Variants in PLXNC1 observed in about 807,000 individuals in gnomAD.
The protein encoded by PLXNC1 is plexin-C1.
In PLXNC1, 75 loss-of-function variants were observed where a neutral mutation model predicts 178.2. The observed-to-expected ratio is 0.42, with a 90% CI of 0.35 to 0.51. PLXNC1 has a LOEUF of 0.51. Among genes scored for constraint, PLXNC1 ranks in the 20% least tolerant of loss-of-function variants. The pLI, the probability that PLXNC1 is intolerant of heterozygous loss-of-function variation, is 0.02. For missense variants in PLXNC1, 1,503 were observed against 1,984.4 expected (o/e 0.76, Z 4.61); for synonymous variants, 790 against 779.9 (o/e 1.01, Z -0.22).
At chr12:94,300,014 T>C (rs1207842673) in intron 27 of PLXNC1, among the ~76,000 whole-genome samples, 1 of 152,098 alleles carries the variant, frequency 6.6e-6, no homozygotes, top group African/African-American at 2.4e-5. Context: ...GGGGAGGTAA[T>C]GAGCTAGGCC....
chr12:94,254,900 A>G lies in PLXNC1; in HGVS notation c.2983+12A>G, dbSNP rs754611665. The G allele has an allele frequency of 2.5e-6, 4 of 1,595,072 alleles. No homozygotes were observed. Among genetic ancestry groups the G allele is most frequent in the Admixed American group, 1.7e-5 (1 of 58,180 alleles). On this transcript the variant is annotated intron_variant, in intron 16 of 30. Transcript: ENST00000258526. ...AGAGATACGTGACGGTAGGCTCCAA[A>G]ATTGTGTTTGTAGAAAAACAAGCCT...
intron 23 of PLXNC1, among the ~76,000 whole-genome samples, chr12:94,291,436 C>A (rs1407431835): frequency 6.6e-6 from 1 of 152,140 alleles, no homozygotes; most frequent in Non-Finnish European, 1.5e-5. Context: ...GATCTGAGTT[C>A]TCCGGGCTGG....
chr12:94,155,254 G>A (rs1197249276), intron 1 of PLXNC1, among the ~76,000 whole-genome samples: 1 of 152,166 alleles, frequency 6.6e-6, no homozygotes, highest in Non-Finnish European at 1.5e-5. Flanking sequence ...TATGCTGTAG[G>A]CAGTGGTCCT....
Position 94,263,278 on chromosome 12 carries a change from T to C in PLXNC1, c.3451-1801T>C, listed in dbSNP as rs112387536. Among the ~76,000 whole-genome samples the C allele has an allele frequency of 1.3e-4, 20 of 150,526 alleles. 1 individual carries two copies. Among genetic ancestry groups the C allele is most frequent in the African/African-American group, 3.7e-4 (15 of 40,914 alleles). ...TCATTCTTCAGAGAGATGGCAGCTCTGTAGGTCTAGAGTGGAGCTCAGGCA... is the reference window on the plus strand; with the variant it reads ...TCATTCTTCAGAGAGATGGCAGCTCCGTAGGTCTAGAGTGGAGCTCAGGCA... On this transcript the variant is annotated intron_variant, in intron 20 of 30. Coordinates refer to ENST00000258526, the MANE Select transcript of PLXNC1 (RefSeq NM_005761.3).
rs532959842 is a variant in PLXNC1 at position 94,218,377 on chromosome 12, G to A, written c.1555-1639G>A. The stretch of plus-strand genomic sequence containing the variant: ...ATCAAAGAACCAGGGAGACAGCAGA[G>A]TCTTAGGTGGCAGTGCCTAAGTCTG... On this transcript the variant is annotated intron_variant, in intron 5 of 30. Coordinates refer to ENST00000258526, the MANE Select transcript of PLXNC1 (RefSeq NM_005761.3). Among the ~76,000 whole-genome samples, 8 of 152,294 alleles carry A rather than the reference G, an allele frequency of 5.3e-5. No homozygotes were observed. The South Asian group carries it at 1.4e-3, about 28-fold the overall frequency.
intron 27 of PLXNC1, among the ~76,000 whole-genome samples, chr12:94,299,593 CTT>C (rs1299193761): frequency 2.0e-5 from 3 of 152,070 alleles, no homozygotes; most frequent in African/African-American, 7.2e-5. Flanking sequence ...GGGTCTCACT[CTT>C]GTTGCCCAGG....
At chr12:94,211,004 T>C (rs1963451973) in intron 5 of PLXNC1, among the ~76,000 whole-genome samples, 1 of 152,226 alleles carries the variant, frequency 6.6e-6, no homozygotes, top group African/African-American at 2.4e-5. Context: ...ATTTTTTTTC[T>C]TATGTTATTT....
chr12:94,260,023 C>T lies in PLXNC1; in HGVS notation c.3251+289C>T, dbSNP rs1197864379. 1.3e-5 allele frequency among the ~76,000 whole-genome samples: 2 copies of T among 152,138 alleles called. No homozygotes were observed. The highest frequency in any genetic ancestry group is 1.9e-4 in the East Asian group (1 of 5,202). On this transcript the variant is annotated intron_variant, in intron 19 of 30. Coordinates refer to ENST00000258526, the MANE Select transcript of PLXNC1 (RefSeq NM_005761.3). The surrounding 1 kb of genome is among the most constrained non-coding windows in gnomAD (Gnocchi z 4.4). The stretch of plus-strand genomic sequence containing the variant: ...AAGGCTATTTGATTGGGAGTTTATG[C>T]AGCCTTCTCTCCATTTTAGATCATA...
At chr12:94,303,054 C>T (rs1306194080) in intron 28 of PLXNC1, among the ~76,000 whole-genome samples, 2 of 152,126 alleles carry the variant, frequency 1.3e-5, no homozygotes, top group Non-Finnish European at 1.5e-5. Flanking sequence ...TACCTATCTT[C>T]CCTGAGTAGA....
intron 2 of PLXNC1, among the ~76,000 whole-genome samples, chr12:94,177,071 GTGTGTGTA>G (rs1202835098): frequency 7.8e-5 from 11 of 141,454 alleles, no homozygotes; most frequent in East Asian, 3.9e-4. Flanking sequence ...GTGTGTGTGT[GTGTGTGTA>G]TATATATATG....
chr12:94,180,335 T>C (rs939855183), intron 2 of PLXNC1, among the ~76,000 whole-genome samples: 1 of 152,242 alleles, frequency 6.6e-6, no homozygotes, highest in Non-Finnish European at 1.5e-5. Flanking sequence ...ATAACTCATC[T>C]CCTGCAAGTC....
chr12:94,263,429 G>C (rs543753789), intron 20 of PLXNC1, among the ~76,000 whole-genome samples: 1 of 152,204 alleles, frequency 6.6e-6, no homozygotes, highest in South Asian at 2.1e-4. Flanking sequence ...GAAAGTTCTG[G>C]AGAATTCCTG....
intron 5 of PLXNC1, among the ~76,000 whole-genome samples, chr12:94,213,104 A>G (rs1360438330): frequency 3.3e-5 from 5 of 152,320 alleles, no homozygotes; most frequent in Non-Finnish European, 7.3e-5. Context: ...TAGTGCTGCA[A>G]TATACTTACA....
At chr12:94,238,058 TGC>T (rs1964288309) in intron 10 of PLXNC1, among the ~76,000 whole-genome samples, 1 of 152,220 alleles carries the variant, frequency 6.6e-6, no homozygotes, top group African/African-American at 2.4e-5. Context: ...TTCAGGATGT[TGC>T]CTGTTTGGGG....
At position 94,149,750 on chromosome 12, in the gene PLXNC1, G is replaced by T; in HGVS notation, c.779G>T (p.Gly260Val). 1.9e-6 allele frequency: 3 copies of T among 1,610,300 alleles called. No homozygotes were observed. Among genetic ancestry groups the T allele is most frequent in the Non-Finnish European group, 2.5e-6 (3 of 1,179,310 alleles). Residue 260 changes from glycine to valine, a missense_variant, in exon 1 of 31, where the codon GGC becomes GTC. Transcript: ENST00000258526. ...AACTACACGAGCGGCGCTGCCACCG[G>T]CTGGCCCAGCATGGCGCGCATCGCG... Reference protein sequence around the residue: ...PYNYTSGAATGWPSMARIAQS... With the variant: ...PYNYTSGAATVWPSMARIAQS...
intron 4 of PLXNC1, among the ~76,000 whole-genome samples, chr12:94,202,430 G>C (rs548355982): frequency 3.5e-4 from 54 of 152,334 alleles, no homozygotes; most frequent in African/African-American, 1.3e-3. Context: ...TTCCCTTTGG[G>C]GGATTTACAG....
rs1397390946 is a variant in PLXNC1, at chr12:94,254,776, C to G, written c.2882-11C>G. ...ACCATGTCCCTCTGATGCAGCATCT[C>G]TGTCTCTTAGCGGCCGTGGGGGTGA... On this transcript the variant is annotated splice_polypyrimidine_tract_variant and intron_variant, in intron 15 of 30. Transcript: ENST00000258526. 1.9e-6 allele frequency: 3 copies of G among 1,576,322 alleles called. No individual in the cohort carries two copies. The highest frequency in any genetic ancestry group is 2.6e-6 in the Non-Finnish European group (3 of 1,165,512).
intron 14 of PLXNC1, among the ~76,000 whole-genome samples, chr12:94,249,381 C>T (rs1964614910): frequency 6.6e-6 from 1 of 152,116 alleles, no homozygotes; most frequent in Non-Finnish European, 1.5e-5. Context: ...TACAGGTGCG[C>T]ACCACCACAC....
chr12:94,292,034 T>C (rs1203377487), intron 23 of PLXNC1, among the ~76,000 whole-genome samples: 2 of 152,250 alleles, frequency 1.3e-5, no homozygotes, highest in East Asian at 3.8e-4. Context: ...AGTTCATCCA[T>C]GCTGTAGCAT....
Sources: allele counts gnomAD v4.1 joint callset (sites outside exome capture counted in the v4.1 genomes callset), GRCh38; gene constraint gnomAD v4.1.1; non-coding constraint Gnocchi (gnomAD v3.1); transcripts MANE v1.5; gene names NCBI Gene and HGNC (gene_info 2026-07-23, HGNC 2026-07-21).